The following GAPVD1 variants were observed in gnomAD, a reference collection of about 807,000 sequenced individuals.
The protein encoded by GAPVD1 is GTPase activating protein and VPS9 domains 1.
Under a neutral mutation model 155.5 loss-of-function variants are expected in GAPVD1, and 35 were observed. The ratio of observed to expected loss-of-function variants is 0.23; its 90% CI spans 0.17 to 0.30. The LOEUF is 0.30. Among genes scored for constraint, GAPVD1 ranks in the 10% least tolerant of loss-of-function variants. The probability of loss-of-function intolerance (pLI) is 1.00; values close to 1 mark genes in which losing one functional copy is unlikely to be tolerated. For missense variants in GAPVD1, 1,429 were observed against 1,775.7 expected (o/e 0.80, Z 3.51); for synonymous variants, 636 against 619.7 (o/e 1.03, Z -0.39).
chr9:125,342,916 T>C (rs1015698206), intron 19 of GAPVD1, among the ~76,000 whole-genome samples: 39 of 152,098 alleles, frequency 2.6e-4, no homozygotes, highest in Non-Finnish European at 3.7e-4. Context: ...CAGCTGGGGG[T>C]TGGGTTTTTA....
intron 19 of GAPVD1, among the ~76,000 whole-genome samples, chr9:125,344,704 A>G (rs756998256): frequency 5.9e-5 from 9 of 151,806 alleles, no homozygotes; most frequent in Non-Finnish European, 1.3e-4. Context: ...TCTTTTTGGG[A>G]GGCCAAAGTG....
intron 15 of GAPVD1, among the ~76,000 whole-genome samples, chr9:125,333,146 C>T (rs1026150281): frequency 6.6e-6 from 1 of 151,962 alleles, no homozygotes; most frequent in Non-Finnish European, 1.5e-5. Flanking sequence ...GATCTTGGCT[C>T]ACTGCACTTC....
intron 1 of GAPVD1, among the ~76,000 whole-genome samples, chr9:125,264,551 A>G (rs944177681): frequency 3.3e-5 from 5 of 152,088 alleles, no homozygotes; most frequent in African/African-American, 7.2e-5. Context: ...GTAATGGGGA[A>G]TGAACAAAAT....
intron 12 of GAPVD1, among the ~76,000 whole-genome samples, chr9:125,329,390 A>G (rs1845748942): frequency 6.6e-6 from 1 of 152,190 alleles, no homozygotes; most frequent in African/African-American, 2.4e-5. Context: ...TAGGGCTATA[A>G]ATTTTAGAAC....
rs1834241531 is a variant in GAPVD1, at chr9:125,267,945, C to G, written c.-198-991C>G. ...TGGGAGACCGAGGCGGGTGGATCAC[C>G]TGAGGTCAGGAGTTTGAGACCAGCC... On this transcript the variant is annotated intron_variant, in intron 1 of 27. Transcript: ENST00000297933. 3.3e-5 allele frequency among the ~76,000 whole-genome samples: 5 copies of G among 151,946 alleles called. 1 individual carries two copies. The South Asian group carries it at 1.0e-3, about 32-fold the overall frequency.
chr9:125,306,586 T>A (rs960517964), intron 6 of GAPVD1, among the ~76,000 whole-genome samples: 1 of 151,994 alleles, frequency 6.6e-6, no homozygotes, highest in Admixed American at 6.6e-5. Flanking sequence ...TCGACCTCCC[T>A]GGCGCAAGCA....
intron 2 of GAPVD1, among the ~76,000 whole-genome samples, chr9:125,279,576 AAAAAAAAAAAATTAAAAATCAAAAAT>A (rs1379431737): frequency 1.3e-5 from 2 of 151,674 alleles, no homozygotes; most frequent in Non-Finnish European, 2.9e-5. Flanking sequence ...ATCTCAAAAA[AAAAAAAAAAAATTAAAAATCAAAAAT>A]AAAAAAAAAA....
chr9:125,353,723 G>A (rs188840283), intron 23 of GAPVD1, among the ~76,000 whole-genome samples: 7 of 152,146 alleles, frequency 4.6e-5, no homozygotes, highest in East Asian at 1.9e-4. Context: ...GGGAAATTCC[G>A]TTTTTTAAAA....
At chr9:125,357,712 G>A (rs1294661824) in intron 25 of GAPVD1, among the ~76,000 whole-genome samples, 2 of 151,486 alleles carry the variant, frequency 1.3e-5, no homozygotes, top group Non-Finnish European at 1.5e-5. Flanking sequence ...AGTGGCGTAT[G>A]CCTGTAATCC....
In GAPVD1 at chr9:125,362,753, C is replaced by T. The variant is rs1180770682; in HGVS notation, c.*7C>T. 5 of 1,611,146 alleles carry T rather than the reference C, an allele frequency of 3.1e-6. No homozygotes were observed. On this transcript the variant is annotated 3_prime_UTR_variant, in exon 28 of 28. Coordinates refer to ENST00000297933, the MANE Select transcript of GAPVD1 (RefSeq NM_001282680.3). The stretch of plus-strand genomic sequence containing the variant: ...CATCGATGACCGAAAGTGACCAAGA[C>T]CAAGGCCCACCAAGGCAGCAGACTG...
intron 2 of GAPVD1, among the ~76,000 whole-genome samples, chr9:125,281,882 T>G (rs563259042): frequency 6.6e-6 from 1 of 152,094 alleles, no homozygotes; most frequent in South Asian, 2.1e-4. Context: ...TGGTGGGATC[T>G]GGGCTCACTG....
intron 6 of GAPVD1, among the ~76,000 whole-genome samples, chr9:125,305,407 T>G (rs1357273099): frequency 1.4e-5 from 2 of 144,512 alleles, no homozygotes; most frequent in Non-Finnish European, 3.0e-5. Flanking sequence ...GGAGTCTCGC[T>G]CCGTCGCCCA....
At chr9:125,266,459 G>T (rs1055750156) in intron 1 of GAPVD1, among the ~76,000 whole-genome samples, 2 of 151,578 alleles carry the variant, frequency 1.3e-5, no homozygotes, top group Non-Finnish European at 2.9e-5. Context: ...GACTACAGGC[G>T]CCCGCCACCA....
At chr9:125,268,632 T>C (rs1834386234) in intron 1 of GAPVD1, among the ~76,000 whole-genome samples, 1 of 151,980 alleles carries the variant, frequency 6.6e-6, no homozygotes. Context: ...TCTGAGTAGC[T>C]GGGACCACAG....
intron 17 of GAPVD1, among the ~76,000 whole-genome samples, chr9:125,340,229 C>T (rs572737799): frequency 3.9e-5 from 6 of 152,274 alleles, no homozygotes; most frequent in East Asian, 1.9e-4. Context: ...CCTTGTTGGC[C>T]GGGCTGTTCT....
intron 8 of GAPVD1, among the ~76,000 whole-genome samples, chr9:125,310,600 C>T (rs1328976705): frequency 7.1e-5 from 10 of 141,836 alleles, no homozygotes; most frequent in South Asian, 6.6e-4. Flanking sequence ...AGTGCAATGG[C>T]GTGATCTCGG....
Position 125,330,148 on chromosome 9 carries a change from C to A in GAPVD1, c.2103C>A (p.Pro701=). 6.2e-7 allele frequency: 1 copy of A among 1,608,262 alleles called. No homozygotes were observed. The highest frequency in any genetic ancestry group is 8.5e-7 in the Non-Finnish European group (1 of 1,174,792). ...GTTCAGGGTCAGTGCTTCTTGACCC[C>A]TGCACTGGTTCTACCATATCAGAGA... ...LPGSGSVLLD[P]CTGSTISETT... Residue 701 remains proline, a synonymous_variant, in exon 13 of 28, where the codon CCC becomes CCA. Coordinates refer to ENST00000297933, the MANE Select transcript of GAPVD1 (RefSeq NM_001282680.3).
intron 2 of GAPVD1, among the ~76,000 whole-genome samples, chr9:125,289,673 C>T (rs757312126): frequency 2.0e-5 from 3 of 151,840 alleles, no homozygotes; most frequent in Non-Finnish European, 2.9e-5. Context: ...TTTTGAGATG[C>T]GTATTAGACA....
chr9:125,359,343 TAAAAA>T, intron 25 of GAPVD1, 72 bp from the exon 26 acceptor site: 1 of 844,978 alleles, frequency 1.2e-6, no homozygotes, highest in Non-Finnish European at 2.0e-6. Flanking sequence ...ACGTGTTTTG[TAAAAA>T]TCAATGATGA....
Sources: allele counts gnomAD v4.1 joint callset (sites outside exome capture counted in the v4.1 genomes callset), GRCh38; gene constraint gnomAD v4.1.1; transcripts MANE v1.5; gene names NCBI Gene and HGNC (gene_info 2026-07-23, HGNC 2026-07-21).